The following EIF2AK4 variants were observed in gnomAD, a reference collection of about 807,000 sequenced individuals.
EIF2AK4 encodes the protein eukaryotic translation initiation factor 2 alpha kinase 4, also known as eIF-2-alpha kinase GCN2.
A neutral mutation model predicts 211.1 loss-of-function variants in EIF2AK4; 139 were observed. The ratio of observed to expected loss-of-function variants is 0.66; its 90% CI spans 0.57 to 0.76. The LOEUF (loss-of-function observed/expected upper bound fraction) is 0.76. EIF2AK4 is among the 30% of genes least tolerant of loss of function. The probability of loss-of-function intolerance (pLI) is 0.00; values close to 1 mark genes in which losing one functional copy is unlikely to be tolerated. For synonymous variants in EIF2AK4, 710 were observed against 751.3 expected, an observed-to-expected ratio of 0.94 and a Z score of 0.90; for missense variants, 1,664 against 2,043.8, an observed-to-expected ratio of 0.81 and a Z score of 3.58.
intron 10 of EIF2AK4, 142 bp from the exon 11 acceptor site, chr15:39,973,450 T>A: frequency 1.2e-6 from 1 of 868,998 alleles, no homozygotes; most frequent in South Asian, 1.8e-5. Flanking sequence ...GAGGAAAAGT[T>A]TTAAAAGGCC....
At chr15:40,020,775 T>C in intron 30 of EIF2AK4, 124 bp from the exon 31 acceptor site, 1 of 807,648 alleles carries the variant, frequency 1.2e-6, no homozygotes, top group Non-Finnish European at 1.8e-6. Context: ...GCACGCTGTG[T>C]TTCTATGCAG....
intron 6 of EIF2AK4, 52 bp from the exon 7 acceptor site, chr15:39,961,732 G>GA (rs200486585): frequency 1.4e-5 from 20 of 1,436,474 alleles, no homozygotes; most frequent in South Asian, 2.4e-5. Context: ...TAATCTTAAA[G>GA]AAAAAAATGA....
In EIF2AK4 at chr15:39,985,821, A is replaced by G; in HGVS notation, c.2336A>G (p.Glu779Gly). ...KSQNQDEDCN[E>G]KNGCHESEPS... ...TTGGGTTAGGATGAAGATTGCAATG[A>G]AAAGAATGGCTGCCATGAAAGTGAG... Residue 779 changes from glutamate (E) to glycine (G), a missense_variant, in exon 14 of 39, where the codon GAA becomes GGA. Glu to Gly is a moderately conservative substitution (Grantham distance 98). Around this residue, in one of 7 missense-constraint regions of EIF2AK4, gnomAD observed 206 missense variants for 201.9 expected, o/e 1.02. Coordinates refer to ENST00000263791, the MANE Select transcript of EIF2AK4 (RefSeq NM_001013703.4). The G allele has an allele frequency of 6.2e-7, 1 of 1,614,158 alleles. No individual in the cohort carries two copies. Among genetic ancestry groups the G allele is most frequent in the Non-Finnish European group, 8.5e-7 (1 of 1,179,998 alleles).
intron 33 of EIF2AK4, among the ~76,000 whole-genome samples, chr15:40,027,152 TAGTA>T (rs1567010219): frequency 6.6e-6 from 1 of 152,340 alleles, no homozygotes; most frequent in Admixed American, 6.5e-5. Flanking sequence ...AAAATTAACT[TAGTA>T]AGGAAAATGG....
rs966925512 is a variant in EIF2AK4, at chr15:39,970,488, G to A, written c.1554-2420G>A. Among the ~76,000 whole-genome samples the A allele has an allele frequency of 3.3e-5, 5 of 152,122 alleles. No homozygotes were observed. In the East Asian group the frequency reaches 9.6e-4, roughly 29 times the overall value. ...GAAATAATCTCAACAGTAGGAGAAT[G>A]TGTAAATAAATTCTGGTAGGTCCAC... On this transcript the variant is annotated intron_variant, in intron 9 of 38. Coordinates refer to ENST00000263791, the MANE Select transcript of EIF2AK4 (RefSeq NM_001013703.4).
At chr15:39,985,754 T>C (rs779843239) in intron 13 of EIF2AK4, 51 bp from the exon 14 acceptor site, 2 of 1,578,024 alleles carry the variant, frequency 1.3e-6, no homozygotes, top group African/African-American at 1.3e-5. Flanking sequence ...GTGATGATTT[T>C]GCTTAATTTT....
In EIF2AK4 at chr15:39,954,397, C is replaced by T. The variant is rs545789368; in HGVS notation, c.594+413C>T. Among the ~76,000 whole-genome samples, 4 of 152,246 alleles carry T rather than the reference C, an allele frequency of 2.6e-5. No individual in the cohort carries two copies. The East Asian group carries it at 5.8e-4, about 22-fold the overall frequency. On this transcript the variant is annotated intron_variant, in intron 5 of 38. Coordinates refer to ENST00000263791, the MANE Select transcript of EIF2AK4 (RefSeq NM_001013703.4). ...CCTCCCGAGTATCTGGGATTACAGGCGTATGCCACTACGCCTGGCTAATTT... is the reference window on the plus strand; with the variant it reads ...CCTCCCGAGTATCTGGGATTACAGGTGTATGCCACTACGCCTGGCTAATTT...
intron 20 of EIF2AK4, among the ~76,000 whole-genome samples, chr15:39,999,183 T>TG (rs1255544605): frequency 1.3e-5 from 2 of 152,164 alleles, no homozygotes; most frequent in African/African-American, 4.8e-5. Flanking sequence ...GCTCAGATTA[T>TG]GGGGGAAGGG....
At chr15:39,955,094 C>T (rs934121779) in intron 5 of EIF2AK4, among the ~76,000 whole-genome samples, 1 of 152,226 alleles carries the variant, frequency 6.6e-6, no homozygotes, top group Admixed American at 6.5e-5. Context: ...TCCTGTCTTG[C>T]TCCTGACCTG....
chr15:39,944,592 C>T (rs1057331591), intron 3 of EIF2AK4, among the ~76,000 whole-genome samples: 6 of 152,162 alleles, frequency 3.9e-5, no homozygotes, highest in African/African-American at 7.2e-5. Flanking sequence ...CCACCATGCC[C>T]GGCTAATTTT....
At chr15:39,969,122 A>C (rs750459124) in intron 9 of EIF2AK4, among the ~76,000 whole-genome samples, 1 of 152,082 alleles carries the variant, frequency 6.6e-6, no homozygotes, top group Non-Finnish European at 1.5e-5. Flanking sequence ...TCCATCTTCA[A>C]AATGTCACCT....
intron 18 of EIF2AK4, among the ~76,000 whole-genome samples, chr15:39,993,122 A>G (rs11634080): frequency 7.0e-6 from 1 of 143,686 alleles, no homozygotes; most frequent in Non-Finnish European, 1.5e-5. Context: ...CCATCCACCC[A>G]TCCATCCACC....
chr15:39,937,597 G>C (rs2034084217), intron 1 of EIF2AK4, among the ~76,000 whole-genome samples: 1 of 151,692 alleles, frequency 6.6e-6, no homozygotes, highest in African/African-American at 2.4e-5. Context: ...TTCTTTTATG[G>C]TCCCTGTGGG....
intron 27 of EIF2AK4, among the ~76,000 whole-genome samples, chr15:40,014,389 G>A (rs565990040): frequency 6.2e-4 from 94 of 152,346 alleles, no homozygotes; most frequent in African/African-American, 1.9e-3. Context: ...TAATCTAGGC[G>A]GAGGTTCCCA....
intron 23 of EIF2AK4, among the ~76,000 whole-genome samples, chr15:40,006,763 C>A (rs2035167373): frequency 1.3e-5 from 2 of 151,746 alleles, no homozygotes; most frequent in Admixed American, 6.6e-5. Context: ...TTAAAAAAAA[C>A]CTAAGAAATG....
In EIF2AK4 at chr15:40,003,310, TGCGG is replaced by T; in HGVS notation, c.3355_3357+1del. The T allele has an allele frequency of 6.2e-7, 1 of 1,614,050 alleles. No individual in the cohort carries two copies. The highest frequency in any genetic ancestry group is 8.5e-7 in the Non-Finnish European group (1 of 1,179,966). Reference sequence around the variant, plus strand: ...ATGCTGGTGATGCTTCCTTTTGACCTGCGGGTGAGGCTGGGAACACACTGCTGAC... The same window carrying T: ...ATGCTGGTGATGCTTCCTTTTGACCTGTGAGGCTGGGAACACACTGCTGAC... On this transcript the variant is annotated frameshift_variant and splice_region_variant, in exon 23 of 39. Transcript: ENST00000263791. LOFTEE classifies it high-confidence loss of function.
intron 12 of EIF2AK4, 83 bp downstream of exon 12, chr15:39,976,927 T>G (rs559315754): frequency 7.4e-7 from 1 of 1,358,662 alleles, no homozygotes; most frequent in East Asian, 2.8e-5. Context: ...TCCTTTCATT[T>G]CCTTCCTTCC....
Position 40,030,469 on chromosome 15 carries a change from A to C in EIF2AK4, c.4659+13A>C, listed in dbSNP as rs781276386. On this transcript the variant is annotated intron_variant, in intron 35 of 38. Transcript: ENST00000263791. Reference sequence around the variant, plus strand: ...CTATGAAACTCAGGTACACTGGGTCAGGGTTTCTTTGGCTTTCTAATATGA... The same window carrying C: ...CTATGAAACTCAGGTACACTGGGTCCGGGTTTCTTTGGCTTTCTAATATGA... The C allele has an allele frequency of 8.1e-6, 13 of 1,611,080 alleles. No homozygotes were observed. The highest frequency in any genetic ancestry group is 9.3e-6 in the Non-Finnish European group (11 of 1,178,428).
rs368954088 is a variant in EIF2AK4, at chr15:40,021,037, C to T, written c.4302+10C>T. On this transcript the variant is annotated intron_variant, in intron 31 of 38. Transcript: ENST00000263791. ...GTACGACTGGTCACAGGTAATGGGACAAAAAGCACCTGTGAGTGAAGTGCA... is the reference window on the plus strand; with the variant it reads ...GTACGACTGGTCACAGGTAATGGGATAAAAAGCACCTGTGAGTGAAGTGCA... 6.2e-6 allele frequency: 10 copies of T among 1,609,110 alleles called. No individual in the cohort carries two copies. In the African/African-American group the frequency reaches 1.2e-4, roughly 19 times the overall value.
Sources: gnomAD v4.1 joint callset for allele counts (sites outside exome capture counted in the v4.1 genomes callset) on GRCh38, gnomAD v4.1.1 for gene constraint, gnomAD v4.1.1 regional missense constraint, MANE v1.5 for transcripts, NCBI Gene and HGNC (gene_info 2026-07-23, HGNC 2026-07-21) for gene names.